NREP: variants seen among roughly 807,000 people sequenced by gnomAD.
NREP encodes neuronal regeneration-related protein.
Under a neutral mutation model 8.6 loss-of-function variants are expected in NREP, and 5 were observed. That is an observed-to-expected ratio of 0.58 (90% CI 0.30 to 1.22). The LOEUF is 1.22. Ranked by LOEUF, NREP falls within the 50% of genes most tolerant of loss-of-function variation. The pLI, the probability that NREP is intolerant of heterozygous loss-of-function variation, is 0.07. For missense variants in NREP, 86 were observed against 82.5 expected, an observed-to-expected ratio of 1.04 and a Z score of -0.17; for synonymous variants, 27 against 28.0, an observed-to-expected ratio of 0.96 and a Z score of 0.11.
At chr5:111,908,740 C>T (rs1207424206) in intron 2 of NREP, among the ~76,000 whole-genome samples, 5 of 151,914 alleles carry the variant, frequency 3.3e-5, no homozygotes, top group South Asian at 2.1e-4. Flanking sequence ...TAAACATACA[C>T]GTGAATGTAT....
chr5:111,919,611 C>T (rs1406153892), intron 2 of NREP, among the ~76,000 whole-genome samples: 1 of 152,042 alleles, frequency 6.6e-6, no homozygotes, highest in Admixed American at 6.6e-5. Flanking sequence ...TCTCAGCAAA[C>T]TAACCCAAGA....
At chr5:111,846,376 T>TCTTGGTTA (rs1380914884) in intron 2 of NREP, 1 of 151,734 alleles carries the variant, frequency 6.6e-6, no homozygotes, top group Admixed American at 6.6e-5. Context: ...TTATTTGGTC[T>TCTTGGTTA]CTTGGTTAGT....
intron 2 of NREP, among the ~76,000 whole-genome samples, chr5:111,886,133 C>T (rs893817639): frequency 6.6e-6 from 1 of 152,024 alleles, no homozygotes; most frequent in Non-Finnish European, 1.5e-5. Flanking sequence ...CAAGAAAAAT[C>T]AAACAACCCC....
chr5:111,819,756 T>C (rs1752474691), intron 2 of NREP, among the ~76,000 whole-genome samples: 2 of 152,188 alleles, frequency 1.3e-5, no homozygotes, highest in Admixed American at 6.5e-5. Context: ...TTACAAGCAA[T>C]AGCATTATAT....
intron 2 of NREP, among the ~76,000 whole-genome samples, chr5:111,968,761 T>C (rs1221474534): frequency 2.0e-5 from 3 of 152,230 alleles, no homozygotes; most frequent in Non-Finnish European, 2.9e-5. Context: ...TCCCAGCTTC[T>C]TTCAGCATCT....
intron 2 of NREP, among the ~76,000 whole-genome samples, chr5:111,964,658 C>A (rs1445763212): frequency 2.0e-5 from 3 of 152,030 alleles, no homozygotes; most frequent in East Asian, 3.9e-4. Context: ...GAGTGAGCTA[C>A]CATGCTGAGC....
At chr5:111,812,950 A>C (rs1477470549) in intron 2 of NREP, among the ~76,000 whole-genome samples, 1 of 152,196 alleles carries the variant, frequency 6.6e-6, no homozygotes, top group Non-Finnish European at 1.5e-5. Flanking sequence ...GGCCATAGTC[A>C]ATAGATAGTA....
intron 2 of NREP, among the ~76,000 whole-genome samples, chr5:111,933,200 C>G (rs1024216487): frequency 6.6e-6 from 1 of 152,126 alleles, no homozygotes; most frequent in South Asian, 2.1e-4. Context: ...CAATTTCTCT[C>G]TCCATGCCTA....
intron 2 of NREP, among the ~76,000 whole-genome samples, chr5:111,850,592 T>G (rs1054426031): frequency 6.6e-6 from 1 of 152,104 alleles, no homozygotes; most frequent in Non-Finnish European, 1.5e-5. Flanking sequence ...CTCCCTTCCC[T>G]TCATCTCTTG....
Position 111,755,769 on chromosome 5 carries a change from C to T in NREP, c.3+1G>A, listed in dbSNP as rs1561651069. The T allele has an allele frequency of 6.2e-7, 1 of 1,613,818 alleles. No homozygotes were observed. The highest frequency in any genetic ancestry group is 2.2e-5 in the East Asian group (1 of 44,870). On this transcript the variant is annotated splice_donor_variant, in intron 2 of 3. Transcript: ENST00000257435. LOFTEE classifies it high-confidence loss of function. Reference sequence around the variant, plus strand: ...AATCTCCTCTGATGACCAAGTCTTACCATTTTGAGAATCTTAGTCTTGGGC... The same window carrying T: ...AATCTCCTCTGATGACCAAGTCTTATCATTTTGAGAATCTTAGTCTTGGGC...
chr5:111,873,414 T>A (rs1753833616), intron 2 of NREP, among the ~76,000 whole-genome samples: 1 of 152,206 alleles, frequency 6.6e-6, no homozygotes, highest in Non-Finnish European at 1.5e-5. Context: ...CCACAAGCCA[T>A]GTTCCTCTCT....
intron 2 of NREP, chr5:111,755,555 C>A: frequency 1.7e-6 from 1 of 596,872 alleles, no homozygotes; most frequent in Non-Finnish European, 3.0e-6. Context: ...GTTTTCTATT[C>A]AAAATAATTG....
intron 2 of NREP, among the ~76,000 whole-genome samples, chr5:111,743,932 A>G (rs77508911): frequency 0.046 from 7,025 of 152,240 alleles, 222 homozygotes; most frequent in Non-Finnish European, 0.062. Flanking sequence ...CAACAACATG[A>G]AAGAATAATT....
At chr5:111,860,587 C>G (rs1373471048) in intron 2 of NREP, among the ~76,000 whole-genome samples, 1 of 152,154 alleles carries the variant, frequency 6.6e-6, no homozygotes, top group Non-Finnish European at 1.5e-5. Flanking sequence ...TTCAATCTGT[C>G]ATAAGCTCAG....
At chr5:111,747,358 A>G (rs1198815008) in intron 2 of NREP, among the ~76,000 whole-genome samples, 1 of 152,180 alleles carries the variant, frequency 6.6e-6, no homozygotes, top group African/African-American at 2.4e-5. Flanking sequence ...CGTTTTAAAC[A>G]AAACAACTTT....
At chr5:111,960,574 C>A (rs1214371456) in intron 2 of NREP, among the ~76,000 whole-genome samples, 1 of 152,106 alleles carries the variant, frequency 6.6e-6, no homozygotes, top group African/African-American at 2.4e-5. Flanking sequence ...TATAATAGTT[C>A]ATGAGTACTG....
chr5:111,882,078 T>C (rs996968121), intron 2 of NREP, among the ~76,000 whole-genome samples: 1 of 152,016 alleles, frequency 6.6e-6, no homozygotes, highest in Admixed American at 6.5e-5. Flanking sequence ...GTTCAAAACT[T>C]TGAAAAAAAT....
intron 2 of NREP, among the ~76,000 whole-genome samples, chr5:111,882,992 TA>T (rs1337243454): frequency 6.6e-6 from 1 of 152,214 alleles, no homozygotes; most frequent in Non-Finnish European, 1.5e-5. Flanking sequence ...ACTTTAAATG[TA>T]AATGGACTAA....
At chr5:111,874,494 G>T (rs543658242) in intron 2 of NREP, among the ~76,000 whole-genome samples, 1 of 152,228 alleles carries the variant, frequency 6.6e-6, no homozygotes, top group South Asian at 2.1e-4. Context: ...CCCAAGTGAG[G>T]GTAACCCTGT....
Sources: allele counts gnomAD v4.1 joint callset (sites outside exome capture counted in the v4.1 genomes callset), GRCh38; gene constraint gnomAD v4.1.1; transcripts MANE v1.5; gene names NCBI Gene and HGNC (gene_info 2026-07-23, HGNC 2026-07-21).